The following GRIK3 variants were observed in gnomAD, a reference collection of about 807,000 sequenced individuals.
GRIK3 encodes glutamate ionotropic receptor kainate type subunit 3, also known as glutamate receptor ionotropic, kainate 3.
Under a neutral mutation model 102.5 loss-of-function variants are expected in GRIK3, and 29 were observed. The observed-to-expected ratio is 0.28, with a 90% CI of 0.21 to 0.39. The LOEUF (loss-of-function observed/expected upper bound fraction) is 0.39. Ranked by LOEUF, GRIK3 falls within the 10% of genes least tolerant of loss-of-function variation. The pLI is 1.00. For synonymous variants in GRIK3, 511 were observed against 504.9 expected (o/e 1.01, Z -0.16); for missense variants, 908 against 1,252.4 (o/e 0.73, Z 4.15).
At chr1:36,803,887 CAG>C in intron 15 of GRIK3, among the ~76,000 whole-genome samples, 1 of 152,210 alleles carries the variant, frequency 6.6e-6, no homozygotes, top group Non-Finnish European at 1.5e-5. Flanking sequence ...ATTTACACTT[CAG>C]CAAATTTCCT....
At chr1:36,968,524 G>A (rs559987182) in intron 1 of GRIK3, among the ~76,000 whole-genome samples, 2 of 152,250 alleles carry the variant, frequency 1.3e-5, no homozygotes, top group East Asian at 1.9e-4. Flanking sequence ...CAAGCTTTGG[G>A]CAGCTCTGAA....
At chr1:36,944,732 T>C (rs958324511) in intron 1 of GRIK3, among the ~76,000 whole-genome samples, 2 of 152,128 alleles carry the variant, frequency 1.3e-5, no homozygotes, top group African/African-American at 4.8e-5. Flanking sequence ...GTTTGTGCTT[T>C]GGGGTCAGAG....
rs1373331518 is a variant in GRIK3 at position 36,925,455 on chromosome 1, T to C, written c.116-34359A>G. Among the ~76,000 whole-genome samples, 5 of 152,378 alleles carry C rather than the reference T, an allele frequency of 3.3e-5. 1 individual carries two copies. In the Middle Eastern group the frequency reaches 0.01, roughly 311 times the overall value. On this transcript the variant is annotated intron_variant, in intron 1 of 15. Coordinates refer to ENST00000373091, the MANE Select transcript of GRIK3 (RefSeq NM_000831.4). ...CCAGCTTCTGGTCAGGCCGCCTGGT[T>C]GATGTTGATAACAGCATTGGCAGCC...
chr1:37,033,876 G>T, intron 1 of GRIK3, 118 bp downstream of exon 1: 1 of 543,684 alleles, frequency 1.8e-6, no homozygotes. Flanking sequence ...GGTGGTCACC[G>T]ATCGGCTCAG....
At chr1:36,806,000 C>A in intron 14 of GRIK3, 104 bp downstream of exon 14, 6 of 510,714 alleles carry the variant, frequency 1.2e-5, no homozygotes, top group African/African-American at 2.0e-5. Flanking sequence ...TCACCTTTAT[C>A]AGCCCCATGG....
At position 37,000,030 on chromosome 1, in the gene GRIK3, C is replaced by T. The variant is rs79797088; in HGVS notation, c.115+33964G>A. 3.0e-3 allele frequency among the ~76,000 whole-genome samples: 462 copies of T among 152,284 alleles called. 1 individual carries two copies. The highest frequency in any genetic ancestry group is 5.1e-3 in the Non-Finnish European group (344 of 68,018). On this transcript the variant is annotated intron_variant, in intron 1 of 15. Coordinates refer to ENST00000373091, the MANE Select transcript of GRIK3 (RefSeq NM_000831.4). ...AAAGAGAACTTAATATTACTGAGCA[C>T]ACTCCACATTTTACTTTAATTATCA...
At chr1:37,014,007 T>C (rs2124061542) in intron 1 of GRIK3, among the ~76,000 whole-genome samples, 1 of 152,314 alleles carries the variant, frequency 6.6e-6, no homozygotes, top group East Asian at 1.9e-4. Flanking sequence ...TCTTCCCACC[T>C]CAAGGCCTCA....
rs188903256 is a variant in GRIK3, at chr1:36,893,277, A to G, written c.116-2181T>C. On this transcript the variant is annotated intron_variant, in intron 1 of 15. Coordinates refer to ENST00000373091, the MANE Select transcript of GRIK3 (RefSeq NM_000831.4). ...CAAACTTGAAATAAATATTTGTAAC[A>G]TATGTGGGAGCATAAAGATGGAAGC... Among the ~76,000 whole-genome samples the G allele has an allele frequency of 4.7e-4, 71 of 152,352 alleles. 1 individual carries two copies. Among genetic ancestry groups the G allele is most frequent in the Admixed American group, 4.4e-3 (67 of 15,312 alleles).
chr1:36,966,068 GAAGAGAAATATGCCCCATGGTCCC>G (rs904918801), intron 1 of GRIK3, among the ~76,000 whole-genome samples: 3 of 152,218 alleles, frequency 2.0e-5, no homozygotes, highest in Non-Finnish European at 4.4e-5. Context: ...TTTTGCTCTA[GAAGAGAAATATGCCCCATGGTCCC>G]AAGAGACAGG....
At chr1:36,986,445 T>TCCAA (rs1553125910) in intron 1 of GRIK3, among the ~76,000 whole-genome samples, 1 of 147,352 alleles carries the variant, frequency 6.8e-6, no homozygotes, top group Non-Finnish European at 1.5e-5. Flanking sequence ...CATCCATCCA[T>TCCAA]CCATCCATCC....
chr1:36,802,123 C>T (rs1642449176), intron 15 of GRIK3, 78 bp from the exon 16 acceptor site: 1 of 1,018,086 alleles, frequency 9.8e-7, no homozygotes, highest in Admixed American at 2.4e-5. Flanking sequence ...CCAGTTCCTC[C>T]CCTTTCTCCC....
rs964607357 is a variant in GRIK3, at chr1:36,946,562, C to T, written c.116-55466G>A. On this transcript the variant is annotated intron_variant, in intron 1 of 15. Coordinates refer to ENST00000373091, the MANE Select transcript of GRIK3 (RefSeq NM_000831.4). ...CACACTCCCCTCTGAAGGTGGCTCT[C>T]GCATGGGAAGGATCTATCTGGGTGG... Among the ~76,000 whole-genome samples the T allele has an allele frequency of 7.7e-4, 118 of 152,316 alleles. 2 individuals carry two copies. The highest frequency in any genetic ancestry group is 1.3e-4 in the Non-Finnish European group (9 of 68,030).
intron 12 of GRIK3, among the ~76,000 whole-genome samples, chr1:36,818,725 G>A (rs987488184): frequency 1.3e-5 from 2 of 152,200 alleles, no homozygotes; most frequent in Admixed American, 6.5e-5. Context: ...TCATTCATTT[G>A]GTGTTTACTG....
chr1:36,894,652 C>A (rs1359524300), intron 1 of GRIK3, among the ~76,000 whole-genome samples: 1 of 152,186 alleles, frequency 6.6e-6, no homozygotes, highest in Non-Finnish European at 1.5e-5. Context: ...GAGCAGAAAC[C>A]TCCATGGGAA....
intron 1 of GRIK3, among the ~76,000 whole-genome samples, chr1:36,910,817 G>T (rs1289269885): frequency 6.6e-6 from 1 of 152,202 alleles, no homozygotes; most frequent in African/African-American, 2.4e-5. Flanking sequence ...GCACTATGCT[G>T]GGCACTAGGT....
chr1:37,027,463 AC>A (rs34810310), intron 1 of GRIK3, among the ~76,000 whole-genome samples: 1 of 151,790 alleles, frequency 6.6e-6, no homozygotes, highest in African/African-American at 2.4e-5. Context: ...TTAAGGAGGC[AC>A]CCCCTCTCAT....
Position 36,986,798 on chromosome 1 carries a change from G to C in GRIK3, c.115+47196C>G, listed in dbSNP as rs564993781. Among the ~76,000 whole-genome samples the C allele has an allele frequency of 2.4e-3, 368 of 152,286 alleles. 1 individual carries two copies. Among genetic ancestry groups the C allele is most frequent in the Non-Finnish European group, 4.4e-3 (297 of 68,018 alleles). On this transcript the variant is annotated intron_variant, in intron 1 of 15. Coordinates refer to ENST00000373091, the MANE Select transcript of GRIK3 (RefSeq NM_000831.4). ...GTGGCAGTCTTCCAGCCAGAGTTGTGGGGGAGAACACATTCCGACTTACCT... is the reference window on the plus strand; with the variant it reads ...GTGGCAGTCTTCCAGCCAGAGTTGTCGGGGAGAACACATTCCGACTTACCT...
At chr1:36,933,583 T>C (rs1056865435) in intron 1 of GRIK3, among the ~76,000 whole-genome samples, 3 of 152,260 alleles carry the variant, frequency 2.0e-5, no homozygotes, top group African/African-American at 7.2e-5. Context: ...GCCAGCCTGT[T>C]AATCCACTCA....
chr1:36,850,774 G>A lies in GRIK3; in HGVS notation c.1213-350C>T, dbSNP rs1365654136. 6.6e-6 allele frequency among the ~76,000 whole-genome samples: 1 copy of A among 152,226 alleles called. No homozygotes were observed. Among genetic ancestry groups the A allele is most frequent in the East Asian group, 1.9e-4 (1 of 5,188 alleles). On this transcript the variant is annotated intron_variant, in intron 8 of 15. Transcript: ENST00000373091. This position sits in a 1 kb window ranked among gnomAD's most constrained non-coding sequence, Gnocchi z 4.0. ...GCAGATGCCAATCAGGGGCTGGAGGGAATCAGGGGTCTATGGTCAGTGCCA... is the reference window on the plus strand; with the variant it reads ...GCAGATGCCAATCAGGGGCTGGAGGAAATCAGGGGTCTATGGTCAGTGCCA...
Sources: allele counts gnomAD v4.1 joint callset (sites outside exome capture counted in the v4.1 genomes callset), GRCh38; gene constraint gnomAD v4.1.1; non-coding constraint Gnocchi (gnomAD v3.1); transcripts MANE v1.5; gene names NCBI Gene and HGNC (gene_info 2026-07-23, HGNC 2026-07-21).